The following CDC14A variants were observed in gnomAD, a reference collection of about 807,000 sequenced individuals.
CDC14A encodes the protein dual specificity protein phosphatase CDC14A.
Under a neutral mutation model 74.4 loss-of-function variants are expected in CDC14A, and 53 were observed. The ratio of observed to expected loss-of-function variants is 0.71; its 90% CI spans 0.57 to 0.89. The LOEUF is 0.89. Among genes scored for constraint, CDC14A ranks in the 40% least tolerant of loss-of-function variants. The pLI is 0.00. For synonymous variants in CDC14A, 247 were observed against 258.4 expected, an observed-to-expected ratio of 0.96 and a Z score of 0.43; for missense variants, 646 against 713.7, an observed-to-expected ratio of 0.91 and a Z score of 1.08.
Position 100,352,818 on chromosome 1 carries a change from C to G in CDC14A, c.-137C>G. The G allele has an allele frequency of 6.8e-7, 1 of 1,473,824 alleles. No individual in the cohort carries two copies. The highest frequency in any genetic ancestry group is 8.9e-7 in the Non-Finnish European group (1 of 1,118,128). 91.3% of individuals were successfully genotyped at this position (1,473,824 alleles called of 1,614,324 possible). ...ACCCCGAAGCCGCCTCCGCCTTCGG[C>G]GCCTGCTGCCTCCCTCGGCCAGGCT... On this transcript the variant is annotated 5_prime_UTR_variant, in exon 1 of 16. Transcript: ENST00000336454.
intron 10 of CDC14A, among the ~76,000 whole-genome samples, chr1:100,476,026 G>A (rs1008712623): frequency 5.9e-5 from 9 of 152,180 alleles, no homozygotes; most frequent in South Asian, 2.1e-4. Flanking sequence ...GGCTGGCAGG[G>A]TTAGGGCCAC....
At chr1:100,348,281 CAAAAAAA>C (rs59269474), upstream of CDC14A, among the ~76,000 whole-genome samples, 7,354 of 87,244 alleles carry the variant, frequency 0.084, 377 homozygotes, top group African/African-American at 0.2. Flanking sequence ...GACTCCATTT[CAAAAAAA>C]AAAAAAAAAA....
intron 9 of CDC14A, among the ~76,000 whole-genome samples, chr1:100,464,020 G>C (rs1406623766): frequency 6.6e-6 from 1 of 152,140 alleles, no homozygotes; most frequent in Non-Finnish European, 1.5e-5. Context: ...TGCTGTAACT[G>C]ACTTATTCAG....
intron 7 of CDC14A, among the ~76,000 whole-genome samples, chr1:100,451,033 C>T (rs1433021156): frequency 6.6e-6 from 1 of 152,216 alleles, no homozygotes; most frequent in African/African-American, 2.4e-5. Flanking sequence ...AGCCATCTTT[C>T]TCAGCCTCCC....
intron 4 of CDC14A, among the ~76,000 whole-genome samples, chr1:100,412,723 T>TATATATATATATATA (rs1491148182): frequency 9.6e-5 from 8 of 83,712 alleles, no homozygotes; most frequent in African/African-American, 7.1e-4. Flanking sequence ...TATATATATA[T>TATATATATATATATA]TTTATATATA....
At chr1:100,484,211 C>T in intron 10 of CDC14A, 81 bp from the exon 11 acceptor site, 1 of 704,178 alleles carries the variant, frequency 1.4e-6, no homozygotes, top group East Asian at 3.1e-5. Flanking sequence ...CTTTATAAGA[C>T]ATCATACCTT....
chr1:100,386,476 T>G (rs1283745616), intron 3 of CDC14A, among the ~76,000 whole-genome samples: 1 of 152,222 alleles, frequency 6.6e-6, no homozygotes, highest in African/African-American at 2.4e-5. Flanking sequence ...ATTGAAAGCC[T>G]GTGGCTATGA....
intron 5 of CDC14A, among the ~76,000 whole-genome samples, chr1:100,436,471 C>T (rs2101114635): frequency 6.6e-6 from 1 of 151,958 alleles, no homozygotes; most frequent in South Asian, 2.1e-4. Context: ...GTTGCCCAGA[C>T]TGGAGTGTAG....
intron 3 of CDC14A, among the ~76,000 whole-genome samples, chr1:100,380,738 T>C (rs1405125844): frequency 6.6e-6 from 1 of 152,186 alleles, no homozygotes; most frequent in Non-Finnish European, 1.5e-5. Flanking sequence ...CTCACCCTTG[T>C]TGTTTTCCCA....
chr1:100,392,442 T>G (rs1227882167), intron 4 of CDC14A, among the ~76,000 whole-genome samples: 12 of 151,986 alleles, frequency 7.9e-5, no homozygotes, highest in Admixed American at 7.9e-4. Flanking sequence ...CATTTGCCAC[T>G]CTTCGCACGT....
At chr1:100,414,286 T>TA (rs35760093) in intron 4 of CDC14A, among the ~76,000 whole-genome samples, 11,093 of 152,236 alleles carry the variant, frequency 0.073, 907 homozygotes, top group African/African-American at 0.19. Context: ...GGCAACATAG[T>TA]AGACCCCATC....
At chr1:100,346,034 G>C (rs373256812) in intron 1 of CDC14A, among the ~76,000 whole-genome samples, 1 of 152,076 alleles carries the variant, frequency 6.6e-6, no homozygotes, top group Non-Finnish European at 1.5e-5. Flanking sequence ...CACTGGGTGT[G>C]GGGGTGGGCA....
At chr1:100,373,830 T>C (rs1213128085) in intron 2 of CDC14A, among the ~76,000 whole-genome samples, 2 of 152,096 alleles carry the variant, frequency 1.3e-5, no homozygotes, top group African/African-American at 4.8e-5. Flanking sequence ...ATACTTTAAG[T>C]TTTAGGGTAC....
At chr1:100,499,478 C>G in intron 15 of CDC14A, 3 of 1,411,222 alleles carry the variant, frequency 2.1e-6, no homozygotes, top group Non-Finnish European at 2.8e-6. Flanking sequence ...TTCTTCCTTC[C>G]TTCTTTTTCT....
rs139495335 is a variant in CDC14A at position 100,409,235 on chromosome 1, C to T, written c.310-14987C>T. 1.3e-3 allele frequency among the ~76,000 whole-genome samples: 201 copies of T among 152,250 alleles called. 3 individuals carry two copies. The highest frequency in any genetic ancestry group is 5.8e-3 in the South Asian group (28 of 4,824). ...TTCATTCACTATCACAAACATAGCA[C>T]GGGAAAGACCTGCCCTCATGATTCA... On this transcript the variant is annotated intron_variant, in intron 4 of 15. Coordinates refer to ENST00000336454, the MANE Select transcript of CDC14A (RefSeq NM_003672.4).
intron 3 of CDC14A, among the ~76,000 whole-genome samples, chr1:100,384,341 A>G (rs1341495433): frequency 6.6e-6 from 1 of 152,208 alleles, no homozygotes; most frequent in Non-Finnish European, 1.5e-5. Context: ...ATGTTAATTG[A>G]TAGTCAATAC....
intron 15 of CDC14A, among the ~76,000 whole-genome samples, chr1:100,500,743 CAAAAAAA>C (rs67947647): frequency 1.7e-4 from 9 of 53,862 alleles, no homozygotes; most frequent in African/African-American, 5.3e-4. Flanking sequence ...GAGCCACTCT[CAAAAAAA>C]AAAAAAAAAA....
chr1:100,353,967 CAA>C, intron 2 of CDC14A, 115 bp downstream of exon 2: 1 of 661,718 alleles, frequency 1.5e-6, no homozygotes, highest in Non-Finnish European at 2.7e-6. Flanking sequence ...ATACGAGTAA[CAA>C]TATCAATTTT....
At chr1:100,396,488 G>T (rs1305582635) in intron 4 of CDC14A, among the ~76,000 whole-genome samples, 2 of 152,204 alleles carry the variant, frequency 1.3e-5, no homozygotes, top group Non-Finnish European at 2.9e-5. Flanking sequence ...AAATAATGAA[G>T]TTGGACGTAA....
Sources: allele counts gnomAD v4.1 joint callset (sites outside exome capture counted in the v4.1 genomes callset), GRCh38; gene constraint gnomAD v4.1.1; transcripts MANE v1.5; gene names NCBI Gene and HGNC (gene_info 2026-07-23, HGNC 2026-07-21).